Variants in MYT1 observed in about 807,000 individuals in gnomAD.
The protein encoded by MYT1 is myelin transcription factor 1, also known as myelin transcription factor I.
Under a neutral mutation model 123.0 loss-of-function variants are expected in MYT1, and 23 were observed. The observed-to-expected ratio is 0.19, with a 90% CI of 0.13 to 0.26. The LOEUF (loss-of-function observed/expected upper bound fraction) is 0.26. Among genes scored for constraint, MYT1 ranks in the 10% least tolerant of loss-of-function variants. The pLI is 1.00. For missense variants in MYT1, 1,125 were observed against 1,472.5 expected (o/e 0.76, Z 3.86); for synonymous variants, 518 against 575.3 (o/e 0.90, Z 1.43).
In MYT1 at chr20:64,191,783, T is replaced by C. The variant is rs1982978408; in HGVS notation, c.-1+1623T>C. On this transcript the variant is annotated intron_variant, in intron 2 of 22. Coordinates refer to ENST00000328439, the MANE Select transcript of MYT1 (RefSeq NM_004535.3). This position sits in a 1 kb window ranked among gnomAD's most constrained non-coding sequence, Gnocchi z 4.1. ...GGGGCACAAGGAAGAGTCAGTAATA[T>C]GGATCCTGTCTTTATTTAAGGTTTT... The C allele has an allele frequency of 6.6e-6, 1 of 152,266 alleles. No individual in the cohort carries two copies. Among genetic ancestry groups the C allele is most frequent in the South Asian group, 2.1e-4 (1 of 4,836 alleles). The allele number at this position is 152,266 out of a possible 1,614,324, so 9.4% of individuals were successfully genotyped here.
chr20:64,173,146 A>G (rs1982336100), intron 1 of MYT1, among the ~76,000 whole-genome samples: 1 of 152,050 alleles, frequency 6.6e-6, no homozygotes, highest in African/African-American at 2.4e-5. Context: ...CCCATACCCC[A>G]GGATTCAGGC....
Position 64,235,087 on chromosome 20 carries a change from C to G in MYT1, c.2898-1468C>G, listed in dbSNP as rs528743246. Among the ~76,000 whole-genome samples, 80 of 141,498 alleles carry G rather than the reference C, an allele frequency of 5.7e-4. 1 individual carries two copies. Among genetic ancestry groups the G allele is most frequent in the Admixed American group, 2.8e-3 (39 of 14,130 alleles). 92.8% of individuals were successfully genotyped at this position (141,498 alleles called of 152,430 possible). A position where few individuals can be genotyped will look rare whatever the true frequency, so the allele number is the denominator to read the frequency against. ...ATGCTGGGATGGTCATGGTGGGTGA[C>G]CCTGGGATGGCCGTGGTGGGTGACC... is the stretch of plus-strand genomic sequence containing the variant. On this transcript the variant is annotated intron_variant, in intron 19 of 22. Transcript: ENST00000328439.
intron 1 of MYT1, among the ~76,000 whole-genome samples, chr20:64,178,881 C>T (rs1306752809): frequency 2.4e-5 from 3 of 124,402 alleles, no homozygotes; most frequent in Non-Finnish European, 4.9e-5. Flanking sequence ...CGTGGGAGCA[C>T]TAAGCCGTTA....
Position 64,191,063 on chromosome 20 carries a change from G to A in MYT1, c.-1+903G>A, listed in dbSNP as rs1982955089. Among the ~76,000 whole-genome samples the A allele has an allele frequency of 6.6e-6, 1 of 152,194 alleles. No homozygotes were observed. The highest frequency in any genetic ancestry group is 2.1e-4 in the South Asian group (1 of 4,824). ...CTTGCTTTGAGGTGTGACCACGTCT[G>A]GGCTCTGTGATAGGCCTGAGCAACT... On this transcript the variant is annotated intron_variant, in intron 2 of 22. Transcript: ENST00000328439. This position sits in a 1 kb window ranked among gnomAD's most constrained non-coding sequence, Gnocchi z 4.1.
rs774502040 is a variant in MYT1 at position 64,189,641 on chromosome 20, G to A, written c.-98-422G>A. Among the ~76,000 whole-genome samples, 2 of 152,196 alleles carry A rather than the reference G, an allele frequency of 1.3e-5. No individual in the cohort carries two copies. The highest frequency in any genetic ancestry group is 2.9e-5 in the Non-Finnish European group (2 of 68,024). On this transcript the variant is annotated intron_variant, in intron 1 of 22. Coordinates refer to ENST00000328439, the MANE Select transcript of MYT1 (RefSeq NM_004535.3). The surrounding 1 kb of genome is among the most constrained non-coding windows in gnomAD (Gnocchi z 5.5). The stretch of plus-strand genomic sequence containing the variant: ...TCTTTTTCAAATGCATATGTACTGT[G>A]CATTCTTTTGAGGGGCAGAAGGATC...
At chr20:64,220,519 A>G (rs1181506788) in intron 13 of MYT1, among the ~76,000 whole-genome samples, 1 of 152,138 alleles carries the variant, frequency 6.6e-6, no homozygotes, top group Non-Finnish European at 1.5e-5. Context: ...GAAGCAGGGG[A>G]TCCTTCCCTT....
intron 18 of MYT1, among the ~76,000 whole-genome samples, chr20:64,230,466 T>C (rs533432575): frequency 6.6e-6 from 1 of 152,328 alleles, no homozygotes; most frequent in African/African-American, 2.4e-5. Context: ...TGAGCCAAGA[T>C]TGTGCCACTG....
At position 64,202,814 on chromosome 20, in the gene MYT1, C is replaced by A. The variant is rs1474264805; in HGVS notation, c.87-2221C>A. 1.3e-5 allele frequency among the ~76,000 whole-genome samples: 2 copies of A among 152,206 alleles called. No individual in the cohort carries two copies. Among genetic ancestry groups the A allele is most frequent in the Non-Finnish European group, 2.9e-5 (2 of 68,040 alleles). On this transcript the variant is annotated intron_variant, in intron 4 of 22. Transcript: ENST00000328439. This position sits in a 1 kb window ranked among gnomAD's most constrained non-coding sequence, Gnocchi z 5.0. ...GCATCCTTTCCTCACATCTCTGACACCAGCCCTAGTCAGAGCTGGGGAGTC... is the reference window on the plus strand; with the variant it reads ...GCATCCTTTCCTCACATCTCTGACAACAGCCCTAGTCAGAGCTGGGGAGTC...
chr20:64,180,644 G>T (rs1982626947), intron 1 of MYT1, among the ~76,000 whole-genome samples: 1 of 152,344 alleles, frequency 6.6e-6, no homozygotes, highest in East Asian at 1.9e-4. Flanking sequence ...GGGTTCACAG[G>T]GTGTGGGCCA....
chr20:64,234,288 G>A (rs1321687442), intron 19 of MYT1, among the ~76,000 whole-genome samples: 2 of 151,550 alleles, frequency 1.3e-5, no homozygotes, highest in Non-Finnish European at 2.9e-5. Context: ...AGAGGCAGAC[G>A]CAGCTAGGAT....
In MYT1 at chr20:64,178,171, A is replaced by G. The variant is rs1055420861; in HGVS notation, c.-98-11892A>G. 3.3e-5 allele frequency among the ~76,000 whole-genome samples: 5 copies of G among 152,356 alleles called. 1 individual carries two copies. Among genetic ancestry groups the G allele is most frequent in the Admixed American group, 2.0e-4 (3 of 15,308 alleles). On this transcript the variant is annotated intron_variant, in intron 1 of 22. Transcript: ENST00000328439. ...CCCCATCCTCATTATTTTCAAAAATACATTTTGAAACAATCTCAAAGCCAC... is the reference window on the plus strand; with the variant it reads ...CCCCATCCTCATTATTTTCAAAAATGCATTTTGAAACAATCTCAAAGCCAC...
rs970184220 is a variant in MYT1 at position 64,190,382 on chromosome 20, T to C, written c.-1+222T>C. 6.6e-6 allele frequency among the ~76,000 whole-genome samples: 1 copy of C among 152,208 alleles called. No homozygotes were observed. Among genetic ancestry groups the C allele is most frequent in the African/African-American group, 2.4e-5 (1 of 41,446 alleles). ...GACTCTGAGTAGATCAAAACTAAAA[T>C]GTGACCCCAGGCTGGGCCCGGTGGC... On this transcript the variant is annotated intron_variant, in intron 2 of 22. Coordinates refer to ENST00000328439, the MANE Select transcript of MYT1 (RefSeq NM_004535.3). This position sits in a 1 kb window ranked among gnomAD's most constrained non-coding sequence, Gnocchi z 4.1.
rs537698482 is a variant in MYT1 at position 64,208,081 on chromosome 20, GGAGGAA to G, written c.903_908del (p.Glu305_Glu306del). On this transcript the variant is annotated inframe_deletion, in exon 7 of 23. Transcript: ENST00000328439. This position sits in a 1 kb window ranked among gnomAD's most constrained non-coding sequence, Gnocchi z 5.4. ...AGGAGGAGGAGGAAGAGGAAGAGGAGGAGGAAGAGGAAGAGGAAGAGGAGGAGGAGG... is the reference window on the plus strand; with the variant it reads ...AGGAGGAGGAGGAAGAGGAAGAGGAGGAGGAAGAGGAAGAGGAGGAGGAGG... 1.9e-3 allele frequency: 3,015 copies of G among 1,605,750 alleles called. 16 individuals are homozygous for G. Among genetic ancestry groups the G allele is most frequent in the South Asian group, 1.0e-2 (892 of 89,220 alleles).
chr20:64,182,478 G>A (rs1032899801), intron 1 of MYT1, among the ~76,000 whole-genome samples: 1 of 152,248 alleles, frequency 6.6e-6, no homozygotes, highest in African/African-American at 2.4e-5. Context: ...GTGAGCTTGG[G>A]CCGTTCTGGG....
chr20:64,178,724 G>A (rs368644887), intron 1 of MYT1, among the ~76,000 whole-genome samples: 147 of 145,282 alleles, frequency 1.0e-3, no homozygotes, highest in Non-Finnish European at 1.6e-3. Flanking sequence ...GCACTGAGCC[G>A]TTATTCGGTG....
At chr20:64,209,664 A>C (rs2320356) in intron 7 of MYT1, among the ~76,000 whole-genome samples, 46,558 of 152,082 alleles carry the variant, frequency 0.31, 10,393 homozygotes, top group African/African-American at 0.63. Flanking sequence ...GAGACACGGA[A>C]TTGCCAACCC....
In MYT1 at chr20:64,166,970, C is replaced by T. The variant is rs1047834754; in HGVS notation, c.-99+2231C>T. Among the ~76,000 whole-genome samples the T allele has an allele frequency of 1.3e-5, 2 of 152,194 alleles. No homozygotes were observed. The highest frequency in any genetic ancestry group is 3.9e-4 in the East Asian group (2 of 5,164). ...CTGCTGTGGATGTGGTGGGCGCTCT[C>T]CCTGGTGCTGCTCAGAGACTCACTC... On this transcript the variant is annotated intron_variant, in intron 1 of 22. Transcript: ENST00000328439. This position sits in a 1 kb window ranked among gnomAD's most constrained non-coding sequence, Gnocchi z 4.9.
At chr20:64,226,432 C>A (rs532838327) in intron 16 of MYT1, among the ~76,000 whole-genome samples, 1 of 152,318 alleles carries the variant, frequency 6.6e-6, no homozygotes, top group African/African-American at 2.4e-5. Flanking sequence ...GGGCCAGCAG[C>A]ATGGAAAGTG....
chr20:64,240,298 C>A (rs373269590), intron 22 of MYT1, 22 bp from the exon 23 acceptor site: 2 of 1,611,008 alleles, frequency 1.2e-6, no homozygotes, highest in Non-Finnish European at 1.7e-6. Flanking sequence ...ACGGAGCTTG[C>A]TAACCTGGTT....
Sources: allele counts gnomAD v4.1 joint callset (sites outside exome capture counted in the v4.1 genomes callset), GRCh38; gene constraint gnomAD v4.1.1; non-coding constraint Gnocchi (gnomAD v3.1); transcripts MANE v1.5; gene names NCBI Gene and HGNC (gene_info 2026-07-23, HGNC 2026-07-21).